Variants in RNF216 observed in about 807,000 individuals in gnomAD.
RNF216 encodes E3 ubiquitin-protein ligase RNF216.
In RNF216, 72 loss-of-function variants were observed where a neutral mutation model predicts 110.8. The ratio of observed to expected loss-of-function variants is 0.65; its 90% CI spans 0.54 to 0.79. The LOEUF (loss-of-function observed/expected upper bound fraction) is 0.79, where lower values mean the gene tolerates loss of function less well. Among genes scored for constraint, RNF216 ranks in the 30% least tolerant of loss-of-function variants. The pLI, the probability that RNF216 is intolerant of heterozygous loss-of-function variation, is 0.00. For synonymous variants in RNF216, 495 were observed against 407.5 expected, an observed-to-expected ratio of 1.21 and a Z score of -2.59; for missense variants, 1,342 against 1,141.2, an observed-to-expected ratio of 1.18 and a Z score of -2.54.
At chr7:5,690,154 T>C (rs1431142539) in intron 13 of RNF216, among the ~76,000 whole-genome samples, 2 of 151,346 alleles carry the variant, frequency 1.3e-5, no homozygotes, top group Non-Finnish European at 2.9e-5. Context: ...GGTGAAACCC[T>C]GTCTCTACTA....
chr7:5,706,651 G>GC (rs1210081616), intron 13 of RNF216, among the ~76,000 whole-genome samples: 17 of 152,286 alleles, frequency 1.1e-4, no homozygotes, highest in Admixed American at 6.5e-4. Context: ...CCATCTTGTG[G>GC]CTACTGTGAA....
chr7:5,734,900 CAGCACTTTGGG>C (rs1794306136), intron 5 of RNF216, among the ~76,000 whole-genome samples: 1 of 150,098 alleles, frequency 6.7e-6, no homozygotes. Flanking sequence ...TCACGTCTCC[CAGCACTTTGGG>C]AGGCTGAGAC....
chr7:5,763,576 T>C (rs1796041515), intron 1 of RNF216, among the ~76,000 whole-genome samples: 1 of 151,802 alleles, frequency 6.6e-6, no homozygotes, highest in Non-Finnish European at 1.5e-5. Flanking sequence ...GTTGTAGTCT[T>C]TTTTATTTCT....
intron 11 of RNF216, chr7:5,713,569 G>A (rs1006227592): frequency 2.6e-5 from 4 of 152,212 alleles, no homozygotes; most frequent in African/African-American, 7.2e-5. Flanking sequence ...AGACTTCAGA[G>A]CCATTCAGGT....
chr7:5,642,347 G>C (rs750407958), intron 14 of RNF216, among the ~76,000 whole-genome samples: 1 of 151,846 alleles, frequency 6.6e-6, no homozygotes, highest in Non-Finnish European at 1.5e-5. Flanking sequence ...CCAAGTAGCT[G>C]GGATTACAGG....
At position 5,707,724 on chromosome 7, in the gene RNF216, T is replaced by G. The variant is rs1430979243; in HGVS notation, c.2061+4037A>C. ...TTTTCAGTGTGTGTGTGTGGTTTTTTTTTTTTTTTTTTTTTTTGTGACAGA... is the reference window on the plus strand; with the variant it reads ...TTTTCAGTGTGTGTGTGTGGTTTTTGTTTTTTTTTTTTTTTTTGTGACAGA... On this transcript the variant is annotated intron_variant, in intron 13 of 16. Coordinates refer to ENST00000389902, the MANE Select transcript of RNF216 (RefSeq NM_207111.4). Among the ~76,000 whole-genome samples the G allele has an allele frequency of 3.5e-3, 495 of 143,072 alleles. 2 individuals are homozygous for G. Among genetic ancestry groups the G allele is most frequent in the African/African-American group, 0.012 (475 of 38,382 alleles). 93.9% of individuals were successfully genotyped at this position (143,072 alleles called of 152,430 possible).
chr7:5,623,753 G>A (rs765043348), intron 16 of RNF216, among the ~76,000 whole-genome samples: 27 of 152,182 alleles, frequency 1.8e-4, no homozygotes, highest in Non-Finnish European at 3.4e-4. Flanking sequence ...TTCAGCCTCA[G>A]AAGGATCAGC....
chr7:5,720,177 T>C (rs1383935073), intron 9 of RNF216, among the ~76,000 whole-genome samples: 2 of 152,174 alleles, frequency 1.3e-5, no homozygotes, highest in Non-Finnish European at 2.9e-5. Context: ...ATAGCTGAGC[T>C]TGATCAACAG....
chr7:5,716,551 G>A (rs1271135256), intron 10 of RNF216, among the ~76,000 whole-genome samples, 165 bp downstream of exon 10: 1 of 151,752 alleles, frequency 6.6e-6, no homozygotes, highest in African/African-American at 2.4e-5. Flanking sequence ...GTATAAGAGT[G>A]ACTATACTAG....
At chr7:5,669,822 G>A (rs1789781660) in intron 13 of RNF216, among the ~76,000 whole-genome samples, 3 of 152,128 alleles carry the variant, frequency 2.0e-5, no homozygotes. Flanking sequence ...AATCTGGGAG[G>A]TGGAGATAAC....
intron 13 of RNF216, among the ~76,000 whole-genome samples, chr7:5,661,278 A>G (rs1789121044): frequency 6.6e-6 from 1 of 151,910 alleles, no homozygotes; most frequent in Non-Finnish European, 1.5e-5. Flanking sequence ...GTCTCACTCT[A>G]TTGCCCAGTC....
chr7:5,647,588 C>T (rs531472446), intron 14 of RNF216, among the ~76,000 whole-genome samples: 7 of 152,124 alleles, frequency 4.6e-5, no homozygotes, highest in Non-Finnish European at 5.9e-5. Flanking sequence ...TCCGCCTTGG[C>T]CTCCCAAAGT....
Position 5,739,996 on chromosome 7 carries a change from C to T in RNF216, c.1045-644G>A, listed in dbSNP as rs545861055. On this transcript the variant is annotated intron_variant, in intron 4 of 16. Coordinates refer to ENST00000389902, the MANE Select transcript of RNF216 (RefSeq NM_207111.4). ...CCAGCCTGGGTGACAGAGTGAGACT[C>T]GGTCTCAAAAAAAAAACAAACCAAA... Among the ~76,000 whole-genome samples, 38 of 67,366 alleles carry T rather than the reference C, an allele frequency of 5.6e-4. No homozygotes were observed. The South Asian group carries it at 0.022, about 39-fold the overall frequency. 44.2% of individuals were successfully genotyped at this position (67,366 alleles called of 152,430 possible).
intron 1 of RNF216, among the ~76,000 whole-genome samples, chr7:5,765,440 G>A: frequency 6.6e-6 from 1 of 151,994 alleles, no homozygotes; most frequent in East Asian, 1.9e-4. Context: ...CTCCAGCCTA[G>A]GCAACAGGGT....
intron 14 of RNF216, chr7:5,650,130 C>T (rs932646229): frequency 6.6e-6 from 1 of 152,186 alleles, no homozygotes; most frequent in African/African-American, 2.4e-5. Flanking sequence ...GGAGGTCAGG[C>T]ATGTATATCA....
intron 7 of RNF216, among the ~76,000 whole-genome samples, chr7:5,729,029 G>A (rs1793928530): frequency 6.6e-6 from 1 of 152,180 alleles, no homozygotes; most frequent in African/African-American, 2.4e-5. Flanking sequence ...TCTTCTGAGG[G>A]GGCACTGCTG....
intron 4 of RNF216, 118 bp downstream of exon 4, chr7:5,740,855 C>G: frequency 1.1e-6 from 1 of 911,778 alleles, no homozygotes; most frequent in Non-Finnish European, 1.6e-6. Flanking sequence ...TAGATATATA[C>G]TTCTTAGGAA....
intron 13 of RNF216, among the ~76,000 whole-genome samples, chr7:5,679,881 T>TC (rs1790540008): frequency 6.6e-6 from 1 of 151,980 alleles, no homozygotes; most frequent in Non-Finnish European, 1.5e-5. Context: ...GCGGCCAGAG[T>TC]CCCTGGGCAG....
intron 14 of RNF216, among the ~76,000 whole-genome samples, chr7:5,647,328 C>CTTTTTTTTTTTTTTTTT (rs10617479): frequency 1.2e-4 from 11 of 94,802 alleles, no homozygotes; most frequent in Non-Finnish European, 1.7e-4. Context: ...TTCTTTCTTT[C>CTTTTTTTTTTTTTTTTT]TTTTTTTTTT....
Sources: allele counts gnomAD v4.1 joint callset (sites outside exome capture counted in the v4.1 genomes callset), GRCh38; gene constraint gnomAD v4.1.1; transcripts MANE v1.5; gene names NCBI Gene and HGNC (gene_info 2026-07-23, HGNC 2026-07-21).